The following SPATA17 variants were observed in gnomAD, a reference collection of about 807,000 sequenced individuals.
SPATA17 encodes the protein spermatogenesis-associated protein 17.
A neutral mutation model predicts 62.2 loss-of-function variants in SPATA17; 53 were observed. The observed-to-expected ratio is 0.85, with a 90% confidence interval of 0.68 to 1.07. The LOEUF (loss-of-function observed/expected upper bound fraction) is 1.07. Ranked by LOEUF, SPATA17 falls within the 50% of genes least tolerant of loss-of-function variation. The pLI is 0.00. For missense variants in SPATA17, 466 were observed against 425.5 expected, an observed-to-expected ratio of 1.10 and a Z score of -0.84; for synonymous variants, 146 against 146.8, an observed-to-expected ratio of 0.99 and a Z score of 0.04.
chr1:217,674,912 G>A (rs1303822034), intron 4 of SPATA17, among the ~76,000 whole-genome samples: 1 of 152,160 alleles, frequency 6.6e-6, no homozygotes, highest in Non-Finnish European at 1.5e-5. Context: ...GGAGCTGTAG[G>A]TAGTATTGGA....
chr1:217,749,981 C>CTATATATATATATATATATA (rs1248987599), intron 6 of SPATA17, among the ~76,000 whole-genome samples: 12 of 27,006 alleles, frequency 4.4e-4, no homozygotes, highest in African/African-American at 7.0e-4. Context: ...CTCTCTCTCT[C>CTATATATATATATATATATA]TCTCTATATA....
chr1:217,799,366 C>A (rs1674236325), intron 8 of SPATA17, among the ~76,000 whole-genome samples: 1 of 151,998 alleles, frequency 6.6e-6, no homozygotes. Flanking sequence ...TATTAAAATG[C>A]AATTCAGAAG....
chr1:217,701,094 C>A (rs1324978598), intron 5 of SPATA17, among the ~76,000 whole-genome samples: 2 of 150,712 alleles, frequency 1.3e-5, no homozygotes, highest in Non-Finnish European at 3.0e-5. Context: ...TGTGTCTTAG[C>A]CTGCCGAGTA....
At chr1:217,738,456 CACTT>C (rs769691319) in intron 5 of SPATA17, among the ~76,000 whole-genome samples, 3 of 152,206 alleles carry the variant, frequency 2.0e-5, no homozygotes, top group East Asian at 1.9e-4. Flanking sequence ...AAATAGCTAA[CACTT>C]ACATAGCGCC....
intron 9 of SPATA17, chr1:217,850,659 T>A: frequency 6.4e-7 from 1 of 1,552,978 alleles, no homozygotes; most frequent in Non-Finnish European, 8.8e-7. Flanking sequence ...GATACGAGGA[T>A]GCTGCGAATC....
intron 8 of SPATA17, among the ~76,000 whole-genome samples, chr1:217,794,460 C>G (rs995904418): frequency 6.6e-6 from 1 of 152,170 alleles, no homozygotes; most frequent in African/African-American, 2.4e-5. Flanking sequence ...GACGGAGCTA[C>G]TCACTTTAAA....
At chr1:217,788,755 G>T (rs74652758) in intron 8 of SPATA17, among the ~76,000 whole-genome samples, 3,699 of 152,264 alleles carry the variant, frequency 0.024, 71 homozygotes, top group Non-Finnish European at 0.041. Context: ...GCCACACCTT[G>T]ATTTTAGCCC....
intron 4 of SPATA17, among the ~76,000 whole-genome samples, chr1:217,676,216 C>T (rs1402961796): frequency 2.6e-5 from 4 of 152,264 alleles, no homozygotes; most frequent in Admixed American, 2.0e-4. Context: ...CTATTGCCAG[C>T]ATCAGGATTT....
chr1:217,833,552 T>A (rs1355961047), intron 9 of SPATA17, among the ~76,000 whole-genome samples: 2 of 152,196 alleles, frequency 1.3e-5, no homozygotes, highest in East Asian at 3.9e-4. Flanking sequence ...TTCCTTCACT[T>A]AACCATTTGG....
intron 3 of SPATA17, among the ~76,000 whole-genome samples, chr1:217,653,921 A>G (rs544811092): frequency 6.6e-6 from 1 of 152,290 alleles, no homozygotes; most frequent in African/African-American, 2.4e-5. Context: ...TACCATTTTA[A>G]TACAGAATTT....
chr1:217,657,342 C>T (rs1670467204), intron 3 of SPATA17, among the ~76,000 whole-genome samples: 1 of 152,206 alleles, frequency 6.6e-6, no homozygotes, highest in Non-Finnish European at 1.5e-5. Context: ...CCTATGCCCA[C>T]ACCACTTCTT....
intron 5 of SPATA17, among the ~76,000 whole-genome samples, chr1:217,687,508 T>A (rs1408803936): frequency 2.6e-5 from 4 of 152,240 alleles, no homozygotes; most frequent in African/African-American, 9.6e-5. Context: ...AAGATTATAA[T>A]ACTATACTTT....
At chr1:217,714,320 C>T (rs1263270817) in intron 5 of SPATA17, among the ~76,000 whole-genome samples, 1 of 151,530 alleles carries the variant, frequency 6.6e-6, no homozygotes, top group African/African-American at 2.4e-5. Context: ...ACCCGGGAGG[C>T]AGAGGTTGCA....
rs528848109 is a variant in SPATA17, at chr1:217,796,698, A to T, written c.873-5020A>T. On this transcript the variant is annotated intron_variant, in intron 8 of 10. Coordinates refer to ENST00000366933, the MANE Select transcript of SPATA17 (RefSeq NM_138796.4). ...CTCAACCATAAAGGAAGTCTGTCTA[A>T]TTTCTATTCCAGATTGTTGCTCATT... Among the ~76,000 whole-genome samples the T allele has an allele frequency of 2.6e-5, 4 of 152,316 alleles. No homozygotes were observed. In the South Asian group the frequency reaches 6.2e-4, roughly 24 times the overall value.
chr1:217,700,778 G>A (rs371936207), intron 5 of SPATA17, among the ~76,000 whole-genome samples: 2 of 60,614 alleles, frequency 3.3e-5, no homozygotes, highest in African/African-American at 1.3e-4. Context: ...TTTTTTTTTT[G>A]TATTTTTAGT....
chr1:217,681,822 T>C (rs1671091581), intron 4 of SPATA17, among the ~76,000 whole-genome samples: 1 of 152,146 alleles, frequency 6.6e-6, no homozygotes, highest in South Asian at 2.1e-4. Flanking sequence ...TGATCCAATA[T>C]TCAACTTAGA....
intron 1 of SPATA17, among the ~76,000 whole-genome samples, chr1:217,643,076 T>C (rs1670102369): frequency 6.6e-6 from 1 of 152,224 alleles, no homozygotes; most frequent in Non-Finnish European, 1.5e-5. Context: ...TTTACATCTA[T>C]ACTTATTTCT....
rs1219300809 is a variant in SPATA17 at position 217,794,149 on chromosome 1, A to G, written c.873-7569A>G. On this transcript the variant is annotated intron_variant, in intron 8 of 10. Coordinates refer to ENST00000366933, the MANE Select transcript of SPATA17 (RefSeq NM_138796.4). ...AAAAAAAAGAAAGAAAGAAAAAGAA[A>G]GAAAACTAAAAAGGATATCTAGGAT... Among the ~76,000 whole-genome samples the G allele has an allele frequency of 2.6e-5, 4 of 151,842 alleles. No individual in the cohort carries two copies. The South Asian group carries it at 6.2e-4, about 24-fold the overall frequency.
Position 217,847,349 on chromosome 1 carries a change from CAT to C in SPATA17, c.1006-15424_1006-15423del, listed in dbSNP as rs533039527. On this transcript the variant is annotated intron_variant, in intron 9 of 10. Coordinates refer to ENST00000366933, the MANE Select transcript of SPATA17 (RefSeq NM_138796.4). ...TTTTGAAAACCAAAATTTACCTACA[CAT>C]GTCTTTTGTTTCAGATTCAGTGAAG... 2.6e-5 allele frequency among the ~76,000 whole-genome samples: 4 copies of C among 152,150 alleles called. No homozygotes were observed. In the South Asian group the frequency reaches 6.2e-4, roughly 24 times the overall value.
Sources: allele counts gnomAD v4.1 joint callset (sites outside exome capture counted in the v4.1 genomes callset), GRCh38; gene constraint gnomAD v4.1.1; transcripts MANE v1.5; gene names NCBI Gene and HGNC (gene_info 2026-07-23, HGNC 2026-07-21).